The following SP100 variants were observed in gnomAD, a reference collection of about 807,000 sequenced individuals.
SP100 encodes nuclear autoantigen Sp-100.
In SP100, 84 loss-of-function variants were observed where a neutral mutation model predicts 130.0. The ratio of observed to expected loss-of-function variants is 0.65; its 90% confidence interval spans 0.54 to 0.77. The LOEUF (loss-of-function observed/expected upper bound fraction) is 0.77, where lower values mean the gene tolerates loss of function less well. Ranked by LOEUF, SP100 falls within the 30% of genes least tolerant of loss-of-function variation. The pLI is 0.00. For missense variants in SP100, 978 were observed against 1,052.2 expected, an observed-to-expected ratio of 0.93 and a Z score of 0.97; for synonymous variants, 331 against 351.7, an observed-to-expected ratio of 0.94 and a Z score of 0.66.
At position 230,541,327 on chromosome 2, in the gene SP100, C is replaced by G; in HGVS notation, c.2358C>G (p.Val786=). 6.2e-7 allele frequency: 1 copy of G among 1,614,084 alleles called. No homozygotes were observed. The highest frequency in any genetic ancestry group is 8.5e-7 in the Non-Finnish European group (1 of 1,179,944). The change falls in exon 27 of 29, where the codon GTC becomes GTG. Residue 786 remains valine, a synonymous_variant. Coordinates refer to ENST00000340126, the MANE Select transcript of SP100 (RefSeq NM_001080391.2). Reference sequence around the variant, plus strand: ...AATGTGAATTCCTCCTCTTGAAGGTCTACTGTGATTCGAAAAGCTGCTTTT... The same window carrying G: ...AATGTGAATTCCTCCTCTTGAAGGTGTACTGTGATTCGAAAAGCTGCTTTT... The part of the protein sequence containing the change: ...QLKCEFLLLK[V]YCDSKSCFFA...
intron 24 of SP100, among the ~76,000 whole-genome samples, chr2:230,534,819 C>T (rs1018630596): frequency 6.6e-6 from 1 of 152,154 alleles, no homozygotes; most frequent in African/African-American, 2.4e-5. Context: ...ACCAAATTTC[C>T]TCATCAACTG....
At chr2:230,445,555 A>G (rs2063672261) in intron 4 of SP100, among the ~76,000 whole-genome samples, 1 of 152,258 alleles carries the variant, frequency 6.6e-6, no homozygotes, top group African/African-American at 2.4e-5. Context: ...TGTAAGCAGT[A>G]GTTGTATATG....
intron 2 of SP100, among the ~76,000 whole-genome samples, chr2:230,441,682 G>A (rs1249832916): frequency 1.3e-5 from 2 of 152,140 alleles, no homozygotes; most frequent in African/African-American, 2.4e-5. Context: ...ATTAAGATAC[G>A]ATGGAAAAAA....
intron 24 of SP100, 28 bp from the exon 25 acceptor site, chr2:230,539,239 C>T: frequency 7.0e-7 from 1 of 1,427,980 alleles, no homozygotes; most frequent in South Asian, 1.1e-5. Flanking sequence ...CTCACTGATC[C>T]CGGTGATGTC....
At position 230,437,516 on chromosome 2, in the gene SP100, A is replaced by T. The variant is rs532301007; in HGVS notation, c.108-5421A>T. ...GAATATTGATATATATTTCAAGGGT[A>T]TTGAGAAATATGTGTTCTCTGTTTT... On this transcript the variant is annotated intron_variant, in intron 2 of 28. Transcript: ENST00000340126. Among the ~76,000 whole-genome samples, 7 of 152,200 alleles carry T rather than the reference A, an allele frequency of 4.6e-5. No individual in the cohort carries two copies. In the South Asian group the frequency reaches 1.2e-3, roughly 27 times the overall value.
chr2:230,481,788 C>T (rs1195722678), intron 17 of SP100, among the ~76,000 whole-genome samples: 1 of 152,210 alleles, frequency 6.6e-6, no homozygotes, highest in Non-Finnish European at 1.5e-5. Context: ...GATTCCCCCT[C>T]ACTTGCTACT....
rs1251849046 is a variant in SP100, at chr2:230,489,712, T to C, written c.1601-4704T>C. Among the ~76,000 whole-genome samples the C allele has an allele frequency of 2.0e-5, 3 of 152,306 alleles. No homozygotes were observed. The East Asian group carries it at 5.8e-4, about 29-fold the overall frequency. ...GTGTCCCAGAGATTTTGGTACGTTG[T>C]CTTTTTGTTCTCATTGGTTTCAAAG... is the stretch of plus-strand genomic sequence containing the variant. On this transcript the variant is annotated intron_variant, in intron 17 of 28. Transcript: ENST00000340126.
At chr2:230,448,996 T>G in intron 5 of SP100, 92 bp from the exon 6 acceptor site, 2 of 828,112 alleles carry the variant, frequency 2.4e-6, no homozygotes, top group Admixed American at 3.5e-5. Context: ...GGTCTTTAAC[T>G]CCTACGTTAC....
At chr2:230,539,155 A>C (rs2150115844) in intron 24 of SP100, 112 bp from the exon 25 acceptor site, 1 of 672,084 alleles carries the variant, frequency 1.5e-6, no homozygotes, top group East Asian at 2.6e-5. Flanking sequence ...AGCAATCTTT[A>C]ATATTTTGAG....
At chr2:230,445,617 T>C (rs1030792964) in intron 4 of SP100, among the ~76,000 whole-genome samples, 1 of 152,128 alleles carries the variant, frequency 6.6e-6, no homozygotes, top group Non-Finnish European at 1.5e-5. Flanking sequence ...AATAAAATAA[T>C]TTCTATAGCA....
chr2:230,509,110 C>T (rs1177442722), intron 23 of SP100: 2 of 152,180 alleles, frequency 1.3e-5, no homozygotes, highest in African/African-American at 4.8e-5. Context: ...GACCTCACTT[C>T]TATCTGTGAA....
At chr2:230,514,361 G>A (rs1216970247) in intron 24 of SP100, among the ~76,000 whole-genome samples, 2 of 143,750 alleles carry the variant, frequency 1.4e-5, no homozygotes, top group Non-Finnish European at 3.0e-5. Context: ...CAAGAATGGG[G>A]GAAAAAAAAC....
intron 15 of SP100, among the ~76,000 whole-genome samples, chr2:230,471,787 G>A (rs537254615): frequency 6.6e-6 from 1 of 152,114 alleles, no homozygotes; most frequent in East Asian, 1.9e-4. Context: ...GAGAAAGGTA[G>A]GCTAGAGTCA....
intron 17 of SP100, among the ~76,000 whole-genome samples, chr2:230,479,703 G>A (rs1181029811): frequency 6.6e-6 from 1 of 152,226 alleles, no homozygotes; most frequent in African/African-American, 2.4e-5. Flanking sequence ...AACCAATAGT[G>A]TGGAAGGCTT....
chr2:230,466,246 A>T, intron 11 of SP100, 55 bp from the exon 12 acceptor site: 1 of 959,844 alleles, frequency 1.0e-6, no homozygotes, highest in Non-Finnish European at 1.6e-6. Flanking sequence ...CAGTTGTCAT[A>T]GAATTTATAA....
chr2:230,538,987 T>C, intron 24 of SP100: 1 of 273,898 alleles, frequency 3.7e-6, no homozygotes, highest in Non-Finnish European at 7.2e-6. Flanking sequence ...CCCAGCTGTT[T>C]AATAAATTGC....
At chr2:230,419,166 G>A (rs749933676) in intron 2 of SP100, among the ~76,000 whole-genome samples, 8 of 152,106 alleles carry the variant, frequency 5.3e-5, no homozygotes, top group Non-Finnish European at 1.2e-4. Context: ...AACTAAAGTA[G>A]TCCTCCCTTA....
intron 20 of SP100, 150 bp downstream of exon 20, chr2:230,503,260 A>G (rs555797147): frequency 1.5e-4 from 77 of 513,350 alleles, no homozygotes; most frequent in African/African-American, 1.4e-3. Context: ...AAGACCCTCA[A>G]TACCTGCTTC....
intron 17 of SP100, 112 bp from the exon 18 acceptor site, chr2:230,494,304 C>T (rs780137247): frequency 4.0e-5 from 34 of 847,470 alleles, no homozygotes; most frequent in Middle Eastern, 3.0e-4. Context: ...GACTTAGCCC[C>T]GCAAAAGTAG....
Sources: gnomAD v4.1 joint callset for allele counts (sites outside exome capture counted in the v4.1 genomes callset) on GRCh38, gnomAD v4.1.1 for gene constraint, MANE v1.5 for transcripts, NCBI Gene and HGNC (gene_info 2026-07-23, HGNC 2026-07-21) for gene names.